The following TRPS1 variants were observed in gnomAD, a reference collection of about 807,000 sequenced individuals.
TRPS1 encodes zinc finger transcription factor Trps1.
Under a neutral mutation model 101.2 loss-of-function variants are expected in TRPS1, and 6 were observed. The observed-to-expected ratio is 0.06, with a 90% CI of 0.03 to 0.12. The LOEUF (loss-of-function observed/expected upper bound fraction) is 0.12, where lower values mean the gene tolerates loss of function less well. TRPS1 is among the 10% of genes least tolerant of loss of function. The pLI is 1.00. For synonymous variants in TRPS1, 578 were observed against 589.8 expected (o/e 0.98, Z 0.29); for missense variants, 1,363 against 1,567.0 (o/e 0.87, Z 2.20).
intron 1 of TRPS1, among the ~76,000 whole-genome samples, chr8:115,662,025 A>G: frequency 6.6e-6 from 1 of 152,074 alleles, no homozygotes. Context: ...ACTCCAAGAA[A>G]CTTGCACTAT....
chr8:115,525,212 A>G (rs1015281865), intron 5 of TRPS1, among the ~76,000 whole-genome samples: 2 of 152,180 alleles, frequency 1.3e-5, no homozygotes, highest in Non-Finnish European at 2.9e-5. Flanking sequence ...TGAACATACG[A>G]GGATTGTATA....
chr8:115,539,664 C>T (rs1344564447), intron 5 of TRPS1, among the ~76,000 whole-genome samples: 1 of 152,074 alleles, frequency 6.6e-6, no homozygotes, highest in East Asian at 1.9e-4. Flanking sequence ...ATGGCAAAAT[C>T]CCATCTCTAC....
chr8:115,572,665 T>A (rs981802714), intron 5 of TRPS1, among the ~76,000 whole-genome samples: 1 of 152,186 alleles, frequency 6.6e-6, no homozygotes, highest in Non-Finnish European at 1.5e-5. Context: ...TAAATGAATG[T>A]TAGTTAATTT....
chr8:115,498,397 CTCTCTCTCTCTCTCTCTCTATATA>C (rs1325568567), intron 5 of TRPS1, among the ~76,000 whole-genome samples: 4 of 80,980 alleles, frequency 4.9e-5, no homozygotes, highest in South Asian at 5.0e-4. Context: ...CTCTCTCTCT[CTCTCTCTCTCTCTCTCTCTATATA>C]TATATATATA....
intron 5 of TRPS1, among the ~76,000 whole-genome samples, chr8:115,586,370 T>TC (rs1817559272): frequency 1.3e-5 from 2 of 152,142 alleles, no homozygotes; most frequent in African/African-American, 4.8e-5. Flanking sequence ...ACTAGGTCTT[T>TC]CCCCCTAAAA....
At chr8:115,557,542 T>C (rs1244562993) in intron 5 of TRPS1, among the ~76,000 whole-genome samples, 1 of 152,106 alleles carries the variant, frequency 6.6e-6, no homozygotes, top group Non-Finnish European at 1.5e-5. Context: ...TTGAGAGAGC[T>C]GATGGTTTTA....
At chr8:115,661,585 A>G (rs970873674) in intron 1 of TRPS1, 14 of 152,144 alleles carry the variant, frequency 9.2e-5, no homozygotes, top group African/African-American at 3.4e-4. Flanking sequence ...TTCAAATAAT[A>G]CTGCTGTTCA....
chr8:115,469,704 T>G (rs1316902955), intron 5 of TRPS1, among the ~76,000 whole-genome samples: 2 of 152,234 alleles, frequency 1.3e-5, no homozygotes, highest in East Asian at 3.9e-4. Flanking sequence ...AATTTTTGTA[T>G]TTTTAGTAGA....
At chr8:115,536,654 G>C (rs1816330789) in intron 5 of TRPS1, among the ~76,000 whole-genome samples, 1 of 151,512 alleles carries the variant, frequency 6.6e-6, no homozygotes, top group African/African-American at 2.4e-5. Flanking sequence ...AATATAAAAG[G>C]TACCATAAAT....
chr8:115,588,092 GAGGATTTTTCCCCCTGT>G (rs1267169008), intron 4 of TRPS1, among the ~76,000 whole-genome samples: 5 of 152,136 alleles, frequency 3.3e-5, no homozygotes, highest in African/African-American at 1.2e-4. Context: ...AAACTAAATT[GAGGATTTTTCCCCCTGT>G]AGATACACTT....
At chr8:115,665,920 C>T (rs1463359541) in intron 1 of TRPS1, among the ~76,000 whole-genome samples, 1 of 152,056 alleles carries the variant, frequency 6.6e-6, no homozygotes, top group Non-Finnish European at 1.5e-5. Context: ...ACATATATAT[C>T]CTAACATATA....
chr8:115,648,490 T>TCG (rs1336410765), intron 1 of TRPS1, among the ~76,000 whole-genome samples: 1 of 152,136 alleles, frequency 6.6e-6, no homozygotes, highest in Non-Finnish European at 1.5e-5. Context: ...GCAGCTCCTG[T>TCG]TGTGTCGCCG....
At chr8:115,442,774 C>T (rs1482896489) in intron 5 of TRPS1, among the ~76,000 whole-genome samples, 1 of 151,012 alleles carries the variant, frequency 6.6e-6, no homozygotes, top group Non-Finnish European at 1.5e-5. Flanking sequence ...CCAGCCTGAC[C>T]AACATGGTGA....
intron 1 of TRPS1, among the ~76,000 whole-genome samples, chr8:115,651,694 C>T (rs535261337): frequency 5.9e-5 from 9 of 152,158 alleles, no homozygotes; most frequent in Middle Eastern, 3.4e-3. Context: ...CCTAAATGAG[C>T]GGAGGTAGAG....
chr8:115,449,730 T>A (rs1028359036), intron 5 of TRPS1, among the ~76,000 whole-genome samples: 35 of 152,182 alleles, frequency 2.3e-4, no homozygotes, highest in Non-Finnish European at 3.4e-4. Flanking sequence ...GGTTTTCTTA[T>A]CTGCCTGTTT....
intron 1 of TRPS1, among the ~76,000 whole-genome samples, chr8:115,652,526 T>C (rs945450300): frequency 4.6e-5 from 7 of 152,202 alleles, no homozygotes; most frequent in African/African-American, 1.7e-4. Flanking sequence ...TGGAAATAAA[T>C]AAAAAGTAGC....
In TRPS1 at chr8:115,412,938, T is replaced by C. The variant is rs971685341; in HGVS notation, c.*1085A>G. ...TAATGAAGGGATTGGCTGGTACATA[T>C]ACCAACTGTCAGTCTGTGGTAACGT... is the stretch of plus-strand genomic sequence containing the variant. On this transcript the variant is annotated 3_prime_UTR_variant, in exon 7 of 7. Coordinates refer to ENST00000395715, the MANE Select transcript of TRPS1 (RefSeq NM_014112.5). 2.0e-5 allele frequency: 3 copies of C among 152,574 alleles called. No individual in the cohort carries two copies. The highest frequency in any genetic ancestry group is 7.2e-5 in the African/African-American group (3 of 41,444). The allele number at this position is 152,574 out of a possible 1,614,324, so 9.5% of individuals were successfully genotyped here.
At chr8:115,578,580 G>A (rs1014577851) in intron 5 of TRPS1, among the ~76,000 whole-genome samples, 26 of 151,910 alleles carry the variant, frequency 1.7e-4, no homozygotes, top group African/African-American at 6.3e-4. Flanking sequence ...TGAACATTGT[G>A]GGATGTATTT....
At chr8:115,504,003 T>C (rs560065717) in intron 5 of TRPS1, among the ~76,000 whole-genome samples, 1 of 152,302 alleles carries the variant, frequency 6.6e-6, no homozygotes, top group Non-Finnish European at 1.5e-5. Context: ...ATTAGATTGC[T>C]CAACTGAATT....
Sources: allele counts gnomAD v4.1 joint callset (sites outside exome capture counted in the v4.1 genomes callset), GRCh38; gene constraint gnomAD v4.1.1; transcripts MANE v1.5; gene names NCBI Gene and HGNC (gene_info 2026-07-23, HGNC 2026-07-21).